Variants in RPH3A observed in about 807,000 individuals in gnomAD.
RPH3A encodes rabphilin-3A.
Under a neutral mutation model 102.2 loss-of-function variants are expected in RPH3A, and 48 were observed. The observed-to-expected ratio is 0.47, with a 90% confidence interval of 0.37 to 0.60. RPH3A has a LOEUF of 0.60. Ranked by LOEUF, RPH3A falls within the 20% of genes least tolerant of loss-of-function variation. The probability of loss-of-function intolerance (pLI) is 0.00; values close to 1 mark genes in which losing one functional copy is unlikely to be tolerated. For missense variants in RPH3A, 781 were observed against 910.1 expected (o/e 0.86, Z 1.83); for synonymous variants, 310 against 324.3 (o/e 0.96, Z 0.47).
chr12:112,649,384 A>C (rs1295205145), intron 1 of RPH3A: 1 of 152,214 alleles, frequency 6.6e-6, no homozygotes, highest in African/African-American at 2.4e-5. Context: ...AAGGTGATGG[A>C]GGCAGTAAGA....
intron 1 of RPH3A, among the ~76,000 whole-genome samples, chr12:112,653,557 C>T (rs572019959): frequency 2.0e-5 from 3 of 151,996 alleles, no homozygotes; most frequent in African/African-American, 7.2e-5. Flanking sequence ...TCCACTTAGG[C>T]TACACTTAAT....
intron 1 of RPH3A, among the ~76,000 whole-genome samples, chr12:112,670,313 G>T (rs1287665134): frequency 6.6e-6 from 1 of 152,052 alleles, no homozygotes; most frequent in South Asian, 2.1e-4. Flanking sequence ...CTCCCAAGTT[G>T]CTGGGATTAC....
intron 1 of RPH3A, among the ~76,000 whole-genome samples, chr12:112,601,562 A>T (rs1413882038): frequency 6.6e-6 from 1 of 151,964 alleles, no homozygotes; most frequent in Non-Finnish European, 1.5e-5. Flanking sequence ...AAAAGTACAT[A>T]TAGACTATTT....
chr12:112,731,206 T>TGC lies in RPH3A; in HGVS notation c.-139-60936_-139-60935insCG, dbSNP rs1489507706. ...ATTTGATGGTGTGTGTGTGTGTGTG[T>TGC]GGATCAGAGAAAGAGAGAGAGTGGG... On this transcript the variant is annotated intron_variant, in intron 1 of 21. Coordinates refer to the RPH3A transcript ENST00000543106. Among the ~76,000 whole-genome samples, 12 of 151,326 alleles carry TGC rather than the reference T, an allele frequency of 7.9e-5. No homozygotes were observed. In the South Asian group the frequency reaches 2.5e-3, roughly 32 times the overall value.
At chr12:112,610,189 T>A (rs547570306) in intron 1 of RPH3A, among the ~76,000 whole-genome samples, 1 of 152,294 alleles carries the variant, frequency 6.6e-6, no homozygotes, top group African/African-American at 2.4e-5. Context: ...TGGTTTCAGC[T>A]TAAATGGCTT....
intron 12 of RPH3A, 70 bp downstream of exon 12, chr12:112,875,811 G>A: frequency 7.0e-7 from 1 of 1,418,666 alleles, no homozygotes. Flanking sequence ...GAGAGAGCAG[G>A]CAGCTGCCAG....
intron 1 of RPH3A, among the ~76,000 whole-genome samples, chr12:112,677,011 C>T (rs886127522): frequency 6.6e-6 from 1 of 152,156 alleles, no homozygotes; most frequent in African/African-American, 2.4e-5. Context: ...CAGGAATTAC[C>T]GCTGGCTGCA....
At chr12:112,797,941 G>A (rs915112629) in intron 2 of RPH3A, among the ~76,000 whole-genome samples, 33 of 152,058 alleles carry the variant, frequency 2.2e-4, no homozygotes, top group Admixed American at 7.2e-4. Flanking sequence ...CTCCTGCCTC[G>A]GCCTACCGAA....
intron 2 of RPH3A, among the ~76,000 whole-genome samples, chr12:112,792,991 G>T (rs750116085): frequency 2.0e-4 from 31 of 152,174 alleles, no homozygotes; most frequent in Non-Finnish European, 4.0e-4. Flanking sequence ...ACTAGCTTGG[G>T]AGATTCTATC....
intron 1 of RPH3A, among the ~76,000 whole-genome samples, chr12:112,741,637 G>C (rs1463341163): frequency 6.6e-6 from 1 of 152,170 alleles, no homozygotes; most frequent in Admixed American, 6.5e-5. Context: ...AGAGAGAGCT[G>C]TGTGAGATAA....
chr12:112,701,790 A>T (rs1355099292), intron 1 of RPH3A, among the ~76,000 whole-genome samples: 2 of 152,220 alleles, frequency 1.3e-5, no homozygotes, highest in Non-Finnish European at 2.9e-5. Flanking sequence ...AAGCAAGGAA[A>T]ACCAAGATGC....
intron 8 of RPH3A, 108 bp from the exon 9 acceptor site, chr12:112,869,651 C>A: frequency 9.5e-7 from 1 of 1,056,228 alleles, no homozygotes; most frequent in South Asian, 1.4e-5. Flanking sequence ...ATTTTTAAAA[C>A]ATATTCTTAG....
At chr12:112,632,537 G>A (rs59093360) in intron 1 of RPH3A, among the ~76,000 whole-genome samples, 3,126 of 152,256 alleles carry the variant, frequency 0.021, 111 homozygotes, top group African/African-American at 0.07. Flanking sequence ...AACCACAAGG[G>A]TTCCTCCAAG....
intron 2 of RPH3A, among the ~76,000 whole-genome samples, chr12:112,816,275 G>T (rs904726750): frequency 6.6e-6 from 1 of 152,138 alleles, no homozygotes; most frequent in Non-Finnish European, 1.5e-5. Context: ...TGTTTTCTAC[G>T]ATCATTACCA....
chr12:112,713,009 TCC>T (rs2040484037), intron 1 of RPH3A, among the ~76,000 whole-genome samples: 3 of 74,942 alleles, frequency 4.0e-5, no homozygotes, highest in East Asian at 3.5e-4. Flanking sequence ...CTCTTCCTCT[TCC>T]TCTTCCTCTT....
rs201751605 is a variant in RPH3A at position 112,890,854 on chromosome 12, G to T, written c.1626G>T (p.Val542=). The stretch of plus-strand genomic sequence containing the variant: ...TGCCTTTTCCCCCAATGCAGCAGGT[G>T]GAGCGTGTTGGTGACATCGAGGAGC... The part of the protein sequence containing the change: ...RGMALYEEEQ[V]ERVGDIEERG... The change falls in exon 19 of 22, where the codon GTG becomes GTT. Residue 542 remains valine, a synonymous_variant. Transcript: ENST00000389385. The T allele has an allele frequency of 2.2e-5, 35 of 1,613,582 alleles. No homozygotes were observed. In the Admixed American group the frequency reaches 3.3e-4, roughly 15 times the overall value.
chr12:112,621,010 A>T (rs233709), intron 1 of RPH3A, among the ~76,000 whole-genome samples: 64,041 of 146,026 alleles, frequency 0.44, 15,098 homozygotes, highest in East Asian at 0.68. Context: ...TAACATTATT[A>T]TTTTTTTTTT....
rs2042802862 is a variant in RPH3A, at chr12:112,876,637, T to C, written c.947-5T>C. On this transcript the variant is annotated splice_region_variant and splice_polypyrimidine_tract_variant and intron_variant, in intron 12 of 21. Transcript: ENST00000389385. ...TGCATGTTTCCTGTCCTTATCTCCC[T>C]GCAGAGGTGGCTCCGAGCGACCCTG... 1.3e-6 allele frequency: 2 copies of C among 1,597,142 alleles called. No homozygotes were observed. Among genetic ancestry groups the C allele is most frequent in the Non-Finnish European group, 1.7e-6 (2 of 1,171,406 alleles).
chr12:112,765,061 T>C (rs1417292705), intron 1 of RPH3A, among the ~76,000 whole-genome samples: 1 of 152,136 alleles, frequency 6.6e-6, no homozygotes, highest in Non-Finnish European at 1.5e-5. Context: ...CAGCTGCTGG[T>C]GTGAGAGAGG....
Sources: allele counts gnomAD v4.1 joint callset (sites outside exome capture counted in the v4.1 genomes callset), GRCh38; gene constraint gnomAD v4.1.1; transcripts MANE v1.5; gene names NCBI Gene and HGNC (gene_info 2026-07-23, HGNC 2026-07-21).